Variants in TAFA1 observed in about 807,000 individuals in gnomAD.
TAFA1 encodes the protein TAFA chemokine like family member 1, also known as chemokine-like protein TAFA-1.
In TAFA1, 4 loss-of-function variants were observed where a neutral mutation model predicts 18.5. The observed-to-expected ratio is 0.22, with a 90% CI of 0.11 to 0.49. TAFA1 has a LOEUF of 0.49. TAFA1 is among the 20% of genes least tolerant of loss of function. The pLI, the probability that TAFA1 is intolerant of heterozygous loss-of-function variation, is 0.98. For missense variants in TAFA1, 147 were observed against 169.0 expected, an observed-to-expected ratio of 0.87 and a Z score of 0.72; for synonymous variants, 56 against 55.2, an observed-to-expected ratio of 1.01 and a Z score of -0.06.
chr3:68,185,420 G>A (rs1219790613), intron 2 of TAFA1, among the ~76,000 whole-genome samples: 1 of 152,076 alleles, frequency 6.6e-6, no homozygotes, highest in Non-Finnish European at 1.5e-5. Context: ...ATAAGGCTGT[G>A]TTTTCCAGTC....
At chr3:68,281,305 A>G (rs1358190061) in intron 2 of TAFA1, among the ~76,000 whole-genome samples, 2 of 152,046 alleles carry the variant, frequency 1.3e-5, no homozygotes, top group Non-Finnish European at 2.9e-5. Flanking sequence ...CAAAAAGAAA[A>G]TACTATACCA....
intron 2 of TAFA1, among the ~76,000 whole-genome samples, chr3:68,388,457 T>C (rs1185086627): frequency 6.6e-6 from 1 of 152,106 alleles, no homozygotes; most frequent in African/African-American, 2.4e-5. Flanking sequence ...CTAAGCCTAT[T>C]TTCATCTATA....
intron 2 of TAFA1, among the ~76,000 whole-genome samples, chr3:68,138,003 T>C (rs1265828862): frequency 6.6e-6 from 1 of 151,270 alleles, no homozygotes; most frequent in Non-Finnish European, 1.5e-5. Flanking sequence ...AAAAGTGGAT[T>C]CAATGAGTAG....
chr3:68,185,075 C>T (rs2066253409), intron 2 of TAFA1, among the ~76,000 whole-genome samples: 1 of 152,154 alleles, frequency 6.6e-6, no homozygotes, highest in Admixed American at 6.5e-5. Context: ...GTTCTCATGA[C>T]ACTCCTAGGC....
intron 2 of TAFA1, among the ~76,000 whole-genome samples, chr3:68,286,392 G>C (rs149285834): frequency 6.6e-6 from 1 of 152,190 alleles, no homozygotes; most frequent in East Asian, 1.9e-4. Context: ...GAAGTCTAGC[G>C]TGGAGAGAAA....
At chr3:68,372,613 G>A (rs552899873) in intron 2 of TAFA1, among the ~76,000 whole-genome samples, 1 of 152,266 alleles carries the variant, frequency 6.6e-6, no homozygotes, top group South Asian at 2.1e-4. Flanking sequence ...GAAACTGCAG[G>A]TGAAGAAATT....
At chr3:68,116,683 T>C (rs1161750470) in intron 2 of TAFA1, among the ~76,000 whole-genome samples, 1 of 152,202 alleles carries the variant, frequency 6.6e-6, no homozygotes, top group Non-Finnish European at 1.5e-5. Flanking sequence ...TATTTATCTT[T>C]GTCTGCTTGC....
intron 2 of TAFA1, among the ~76,000 whole-genome samples, chr3:68,378,728 G>C (rs1021193279): frequency 3.3e-5 from 5 of 152,116 alleles, no homozygotes; most frequent in Admixed American, 3.3e-4. Context: ...AGGGAGGGAG[G>C]TGATTGGATC....
intron 3 of TAFA1, among the ~76,000 whole-genome samples, chr3:68,516,822 T>A (rs2072927307): frequency 6.6e-6 from 1 of 152,208 alleles, no homozygotes; most frequent in Non-Finnish European, 1.5e-5. Flanking sequence ...TCACCCAGGC[T>A]GGAGTGCAAT....
intron 2 of TAFA1, among the ~76,000 whole-genome samples, chr3:68,177,622 A>G (rs1016902905): frequency 6.6e-6 from 1 of 152,288 alleles, no homozygotes; most frequent in African/African-American, 2.4e-5. Context: ...AATCTAAATA[A>G]TTAGAAACTC....
chr3:68,039,732 G>A (rs1443927685), intron 2 of TAFA1, among the ~76,000 whole-genome samples: 1 of 152,086 alleles, frequency 6.6e-6, no homozygotes, highest in Non-Finnish European at 1.5e-5. Flanking sequence ...GATACAAGTG[G>A]GCAAATGAGA....
At chr3:68,033,671 G>T (rs1036266130) in intron 2 of TAFA1, among the ~76,000 whole-genome samples, 21 of 152,098 alleles carry the variant, frequency 1.4e-4, no homozygotes, top group South Asian at 4.1e-4. Flanking sequence ...TGGATGGAAT[G>T]AAAAAAATTA....
chr3:68,238,048 C>T (rs1427247338), intron 2 of TAFA1, among the ~76,000 whole-genome samples: 4 of 151,876 alleles, frequency 2.6e-5, no homozygotes, highest in African/African-American at 9.7e-5. Context: ...GTCCTCACCA[C>T]TAAATACTGA....
intron 2 of TAFA1, among the ~76,000 whole-genome samples, chr3:68,036,453 A>G (rs908217186): frequency 2.0e-5 from 3 of 151,942 alleles, no homozygotes; most frequent in Non-Finnish European, 4.4e-5. Context: ...AAAAAAAAAA[A>G]AAAGGAATTT....
intron 2 of TAFA1, among the ~76,000 whole-genome samples, chr3:68,282,648 T>A (rs577310815): frequency 9.2e-5 from 14 of 152,248 alleles, no homozygotes; most frequent in South Asian, 2.1e-4. Context: ...GAGAACATCG[T>A]CTGAGTATCA....
chr3:68,471,793 A>G (rs1350876078), intron 3 of TAFA1, among the ~76,000 whole-genome samples: 1 of 152,142 alleles, frequency 6.6e-6, no homozygotes, highest in Non-Finnish European at 1.5e-5. Flanking sequence ...CTTCAATCCT[A>G]TCAAGTTGAC....
chr3:68,465,428 A>C (rs1024523033), intron 3 of TAFA1, among the ~76,000 whole-genome samples: 1 of 152,182 alleles, frequency 6.6e-6, no homozygotes, highest in Non-Finnish European at 1.5e-5. Context: ...TGGATGTTCC[A>C]TTACTTGCAG....
chr3:68,124,960 G>T (rs1297465932), intron 2 of TAFA1, among the ~76,000 whole-genome samples: 2 of 152,186 alleles, frequency 1.3e-5, no homozygotes, highest in Non-Finnish European at 2.9e-5. Flanking sequence ...TTCACTTTTG[G>T]AATAGAAGCA....
Position 68,077,508 on chromosome 3 carries a change from G to A in TAFA1, c.118+70764G>A, listed in dbSNP as rs879585190. Among the ~76,000 whole-genome samples, 1,362 of 147,448 alleles carry A rather than the reference G, an allele frequency of 9.2e-3. 8 individuals carry two copies. The highest frequency in any genetic ancestry group is 0.012 in the Non-Finnish European group (783 of 66,728). ...GTATAAGGTGTAAGGAAGGGATCCA[G>A]TTTCAGCTTTCTACATATGGCTAGC... On this transcript the variant is annotated intron_variant, in intron 2 of 4. Coordinates refer to ENST00000478136, the MANE Select transcript of TAFA1 (RefSeq NM_213609.4).
Sources: allele counts gnomAD v4.1 joint callset (sites outside exome capture counted in the v4.1 genomes callset), GRCh38; gene constraint gnomAD v4.1.1; transcripts MANE v1.5; gene names NCBI Gene and HGNC (gene_info 2026-07-23, HGNC 2026-07-21).